ABCC9: variants seen among roughly 807,000 people sequenced by gnomAD.
ABCC9 encodes ATP-binding cassette sub-family C member 9.
Under a neutral mutation model 188.3 loss-of-function variants are expected in ABCC9, and 95 were observed. The observed-to-expected ratio is 0.50, with a 90% CI of 0.43 to 0.60. The LOEUF (loss-of-function observed/expected upper bound fraction) is 0.60, where lower values mean the gene tolerates loss of function less well. Among genes scored for constraint, ABCC9 ranks in the 20% least tolerant of loss-of-function variants. The pLI, the probability that ABCC9 is intolerant of heterozygous loss-of-function variation, is 0.00. For synonymous variants in ABCC9, 659 were observed against 652.7 expected (o/e 1.01, Z -0.15); for missense variants, 1,102 against 1,876.3 (o/e 0.59, Z 7.62).
In ABCC9 at chr12:21,797,452, A is replaced by T. The variant is rs550364029; in HGVS notation, c.*3592T>A. 1.3e-5 allele frequency: 2 copies of T among 152,362 alleles called. No individual in the cohort carries two copies. Among genetic ancestry groups the T allele is most frequent in the Admixed American group, 1.3e-4 (2 of 15,306 alleles). 9.4% of individuals were successfully genotyped at this position (152,362 alleles called of 1,614,324 possible). ...AGTCCAATATGTTTTTATATATTGT[A>T]GAGAATAAACACATTTATTGTAGAG... On this transcript the variant is annotated 3_prime_UTR_variant, in exon 40 of 40. Coordinates refer to ENST00000261200, the MANE Select transcript of ABCC9 (RefSeq NM_020297.4).
At chr12:21,902,951 T>G (rs1947843119) in intron 12 of ABCC9, among the ~76,000 whole-genome samples, 1 of 152,166 alleles carries the variant, frequency 6.6e-6, no homozygotes, top group South Asian at 2.1e-4. Context: ...GAGGCCAGCA[T>G]CATCCTGATA....
At chr12:21,858,465 G>A (rs1029901800) in intron 22 of ABCC9, among the ~76,000 whole-genome samples, 3 of 151,914 alleles carry the variant, frequency 2.0e-5, no homozygotes, top group East Asian at 3.9e-4. Flanking sequence ...TGTAATCCCA[G>A]CTACTCAGGA....
intron 4 of ABCC9, among the ~76,000 whole-genome samples, chr12:21,933,100 G>T (rs1949352275): frequency 6.6e-6 from 1 of 151,598 alleles, no homozygotes; most frequent in Non-Finnish European, 1.5e-5. Context: ...TGGAGCTGGA[G>T]GCCATTATTC....
chr12:21,926,924 A>C (rs1220078716), intron 4 of ABCC9, among the ~76,000 whole-genome samples: 1 of 152,182 alleles, frequency 6.6e-6, no homozygotes, highest in African/African-American at 2.4e-5. Context: ...AGAGTGAAAC[A>C]TTTTGCTTTT....
chr12:21,914,374 A>T (rs1460671315), intron 7 of ABCC9, among the ~76,000 whole-genome samples: 5 of 152,150 alleles, frequency 3.3e-5, no homozygotes, highest in Non-Finnish European at 7.4e-5. Flanking sequence ...TCATCTTTAA[A>T]TTTTTTAAAA....
At chr12:21,904,827 C>G (rs1480934628) in intron 12 of ABCC9, among the ~76,000 whole-genome samples, 6 of 152,156 alleles carry the variant, frequency 3.9e-5, no homozygotes, top group Middle Eastern at 3.4e-3. Context: ...TTACACTGTT[C>G]GTGGGACTAT....
At chr12:21,875,852 A>T in intron 16 of ABCC9, 126 bp from the exon 17 acceptor site, 1 of 668,782 alleles carries the variant, frequency 1.5e-6, no homozygotes, top group Non-Finnish European at 2.6e-6. Flanking sequence ...TGGGAGACCA[A>T]GGCAGGTGGA....
chr12:21,816,778 T>TA (rs1166088687), intron 33 of ABCC9, among the ~76,000 whole-genome samples: 7 of 152,170 alleles, frequency 4.6e-5, no homozygotes, highest in Admixed American at 4.6e-4. Flanking sequence ...TAATGAAGAT[T>TA]ATTCTGTCCT....
At chr12:21,826,702 A>G (rs981553277) in intron 31 of ABCC9, among the ~76,000 whole-genome samples, 1 of 152,216 alleles carries the variant, frequency 6.6e-6, no homozygotes, top group East Asian at 1.9e-4. Context: ...GTGTTTATCC[A>G]TATAAAGTTA....
At chr12:21,884,093 A>G (rs865971597) in intron 15 of ABCC9, among the ~76,000 whole-genome samples, 26 of 151,412 alleles carry the variant, frequency 1.7e-4, no homozygotes, top group Non-Finnish European at 2.9e-4. Context: ...TTTTTTTGAA[A>G]CAGAGTCTCA....
At chr12:21,930,443 AAGGAG>A (rs1345674944) in intron 4 of ABCC9, among the ~76,000 whole-genome samples, 1 of 152,188 alleles carries the variant, frequency 6.6e-6, no homozygotes, top group Non-Finnish European at 1.5e-5. Flanking sequence ...AGACCTCTGA[AAGGAG>A]GAAGGAAAGA....
Position 21,842,453 on chromosome 12 carries a change from C to A in ABCC9, c.3334G>T (p.Glu1112Ter). The A allele has an allele frequency of 1.2e-6, 2 of 1,614,038 alleles. No individual in the cohort carries two copies. Among genetic ancestry groups the A allele is most frequent in the South Asian group, 1.1e-5 (1 of 91,050 alleles). ...IIDQHIPPTLESLTRSTLLCL... is the reference protein window; with the variant it reads ...IIDQHIPPTL ...AGCAGTGTTGAGCGAGTTAGAGATT[C>A]CAAGGTTGGAGGGATGTGCTATTAG... The change falls in exon 29 of 40, where the codon GAA (glutamate) becomes TAA (stop). Residue 1112 changes from glutamate to a stop codon, truncating the protein, a stop_gained. Coordinates refer to ENST00000261200, the MANE Select transcript of ABCC9 (RefSeq NM_020297.4). LOFTEE classifies it high-confidence loss of function.
intron 5 of ABCC9, chr12:21,925,536 AG>A (rs1949011047): frequency 1.4e-6 from 1 of 702,522 alleles, no homozygotes; most frequent in Non-Finnish European, 2.6e-6. Flanking sequence ...TTGGACTCCA[AG>A]CCAGAGACAG....
chr12:21,877,509 T>C (rs1487840681), intron 16 of ABCC9, among the ~76,000 whole-genome samples: 3 of 152,028 alleles, frequency 2.0e-5, no homozygotes, highest in Admixed American at 2.0e-4. Flanking sequence ...AAATGACAAA[T>C]GGCATGCAAA....
chr12:21,910,404 T>G, intron 9 of ABCC9, 92 bp from the exon 10 acceptor site: 3 of 1,297,492 alleles, frequency 2.3e-6, no homozygotes, highest in Non-Finnish European at 3.2e-6. Flanking sequence ...AAACATTTAA[T>G]TTTTTTGAGA....
chr12:21,893,943 T>C (rs1947286694), intron 14 of ABCC9, 89 bp downstream of exon 14: 2 of 1,360,710 alleles, frequency 1.5e-6, no homozygotes, highest in African/African-American at 2.9e-5. Context: ...GATTTTAATG[T>C]TCTTTTTTAT....
At chr12:21,803,103 A>G (rs1941576453) in intron 39 of ABCC9, among the ~76,000 whole-genome samples, 1 of 151,898 alleles carries the variant, frequency 6.6e-6, no homozygotes, top group Non-Finnish European at 1.5e-5. Context: ...ACATTGATGA[A>G]TTAACAAGAT....
At chr12:21,835,767 A>G (rs2137322505) in intron 30 of ABCC9, among the ~76,000 whole-genome samples, 1 of 152,314 alleles carries the variant, frequency 6.6e-6, no homozygotes, top group Middle Eastern at 3.4e-3. Flanking sequence ...ACTAGTATCC[A>G]TAAAAGAATG....
At chr12:21,933,968 G>A in intron 3 of ABCC9, 45 bp from the exon 4 acceptor site, 2 of 1,609,268 alleles carry the variant, frequency 1.2e-6, no homozygotes, top group East Asian at 2.2e-5. Context: ...ATAAACCGAA[G>A]GCTCAATTGT....
Sources: allele counts gnomAD v4.1 joint callset (sites outside exome capture counted in the v4.1 genomes callset), GRCh38; gene constraint gnomAD v4.1.1; transcripts MANE v1.5; gene names NCBI Gene and HGNC (gene_info 2026-07-23, HGNC 2026-07-21).